The following ZMAT4 variants were observed in gnomAD, a reference collection of about 807,000 sequenced individuals.
ZMAT4 encodes the protein zinc finger matrin-type protein 4.
Under a neutral mutation model 28.7 loss-of-function variants are expected in ZMAT4, and 17 were observed. The observed-to-expected ratio is 0.59, with a 90% confidence interval of 0.41 to 0.89. The LOEUF is 0.89. Among genes scored for constraint, ZMAT4 ranks in the 40% least tolerant of loss-of-function variants. The probability of loss-of-function intolerance (pLI) is 0.00; values close to 1 mark genes in which losing one functional copy is unlikely to be tolerated. For synonymous variants in ZMAT4, 117 were observed against 109.2 expected (o/e 1.07, Z -0.44); for missense variants, 240 against 283.8 (o/e 0.85, Z 1.11).
At chr8:40,794,953 G>A (rs1814524671) in intron 2 of ZMAT4, among the ~76,000 whole-genome samples, 1 of 152,108 alleles carries the variant, frequency 6.6e-6, no homozygotes, top group South Asian at 2.1e-4. Flanking sequence ...AGGACTAGAT[G>A]GCCCTGGAAG....
chr8:40,622,125 G>T (rs143014113), intron 5 of ZMAT4, among the ~76,000 whole-genome samples: 1 of 152,082 alleles, frequency 6.6e-6, no homozygotes, highest in Non-Finnish European at 1.5e-5. Flanking sequence ...AAAGTACAAG[G>T]GTATTTTTAA....
At chr8:40,661,886 G>T (rs1808214589) in intron 5 of ZMAT4, among the ~76,000 whole-genome samples, 1 of 152,194 alleles carries the variant, frequency 6.6e-6, no homozygotes, top group Non-Finnish European at 1.5e-5. Context: ...GAGCACTGAG[G>T]AGAAAAATGA....
Position 40,763,197 on chromosome 8 carries a change from G to C in ZMAT4, c.192+4444C>G, listed in dbSNP as rs562034150. On this transcript the variant is annotated intron_variant, in intron 3 of 6. Coordinates refer to ENST00000297737, the MANE Select transcript of ZMAT4 (RefSeq NM_024645.3). ...ACATCTGACTTCCCCACTAGATCCTGATCTGTGTTGGGGAAGGTGTCCATG... is the reference window on the plus strand; with the variant it reads ...ACATCTGACTTCCCCACTAGATCCTCATCTGTGTTGGGGAAGGTGTCCATG... Among the ~76,000 whole-genome samples, 7 of 152,300 alleles carry C rather than the reference G, an allele frequency of 4.6e-5. No homozygotes were observed. The East Asian group carries it at 1.4e-3, about 29-fold the overall frequency.
intron 2 of ZMAT4, among the ~76,000 whole-genome samples, chr8:40,778,601 CCAAA>C (rs71834852): frequency 0.13 from 19,792 of 152,170 alleles, 1,626 homozygotes; most frequent in Non-Finnish European, 0.18. Flanking sequence ...TTCTGAGTCC[CCAAA>C]CAGAGTTAAG....
At chr8:40,697,727 C>A (rs1809961901) in intron 3 of ZMAT4, among the ~76,000 whole-genome samples, 1 of 132,424 alleles carries the variant, frequency 7.6e-6, no homozygotes, top group Non-Finnish European at 1.6e-5. Context: ...CACCCCCTGA[C>A]CGGCCCCGGT....
chr8:40,691,281 C>T (rs1008935540), intron 4 of ZMAT4, among the ~76,000 whole-genome samples: 7 of 152,054 alleles, frequency 4.6e-5, no homozygotes, highest in Admixed American at 1.3e-4. Flanking sequence ...AGGTTCATCA[C>T]AGCCTTATTG....
chr8:40,552,956 A>C (rs1462298501), intron 6 of ZMAT4, among the ~76,000 whole-genome samples: 2 of 152,214 alleles, frequency 1.3e-5, no homozygotes, highest in Non-Finnish European at 2.9e-5. Context: ...AAAGCTAAGC[A>C]CGTGGGAGTT....
intron 3 of ZMAT4, among the ~76,000 whole-genome samples, chr8:40,702,004 T>C (rs1440874863): frequency 1.3e-5 from 2 of 152,178 alleles, no homozygotes; most frequent in East Asian, 1.9e-4. Context: ...AATGCTGTTA[T>C]GGAGAGAGGG....
intron 6 of ZMAT4, among the ~76,000 whole-genome samples, chr8:40,536,786 G>T (rs1446792649): frequency 6.6e-6 from 1 of 152,048 alleles, no homozygotes; most frequent in Non-Finnish European, 1.5e-5. Context: ...TGGGAGTGGA[G>T]AACAAAACTT....
At chr8:40,759,024 C>T (rs1812812032) in intron 3 of ZMAT4, among the ~76,000 whole-genome samples, 1 of 152,110 alleles carries the variant, frequency 6.6e-6, no homozygotes, top group African/African-American at 2.4e-5. Flanking sequence ...GTGGATCACG[C>T]CTGTAATCCT....
At chr8:40,635,666 A>G (rs1806764176) in intron 5 of ZMAT4, among the ~76,000 whole-genome samples, 1 of 152,230 alleles carries the variant, frequency 6.6e-6, no homozygotes, top group Non-Finnish European at 1.5e-5. Context: ...TAAACATAGA[A>G]GTCCGAGGTT....
chr8:40,784,187 A>C (rs576800528), intron 2 of ZMAT4, among the ~76,000 whole-genome samples: 82 of 152,314 alleles, frequency 5.4e-4, no homozygotes, highest in Middle Eastern at 3.4e-3. Context: ...CCTTAAGTAA[A>C]ACTGAATACA....
intron 4 of ZMAT4, among the ~76,000 whole-genome samples, chr8:40,680,736 A>G (rs1200946794): frequency 1.3e-5 from 2 of 151,048 alleles, no homozygotes; most frequent in African/African-American, 4.9e-5. Flanking sequence ...ACACACATAT[A>G]CTTTCTCTCT....
intron 2 of ZMAT4, among the ~76,000 whole-genome samples, chr8:40,794,390 G>T (rs1814494471): frequency 6.6e-6 from 1 of 152,144 alleles, no homozygotes; most frequent in South Asian, 2.1e-4. Flanking sequence ...ACTACTCATT[G>T]AAACCTAGGG....
chr8:40,796,387 CA>C (rs1814601393), intron 2 of ZMAT4, among the ~76,000 whole-genome samples: 1 of 152,108 alleles, frequency 6.6e-6, no homozygotes, highest in African/African-American at 2.4e-5. Context: ...AACAAAAAAA[CA>C]TTGATATTTC....
At chr8:40,572,095 A>T (rs1244806118) in intron 6 of ZMAT4, among the ~76,000 whole-genome samples, 1 of 152,178 alleles carries the variant, frequency 6.6e-6, no homozygotes, top group African/African-American at 2.4e-5. Flanking sequence ...CTTTTATTAA[A>T]TATAGAAGGT....
At chr8:40,870,682 C>A (rs923029620) in intron 1 of ZMAT4, among the ~76,000 whole-genome samples, 2 of 152,148 alleles carry the variant, frequency 1.3e-5, no homozygotes, top group Admixed American at 6.5e-5. Flanking sequence ...ATTTCTGGCA[C>A]CAACATGTCC....
At chr8:40,819,565 T>C (rs145712849) in intron 2 of ZMAT4, among the ~76,000 whole-genome samples, 3 of 152,166 alleles carry the variant, frequency 2.0e-5, no homozygotes, top group East Asian at 3.9e-4. Flanking sequence ...ATGGCAAGAA[T>C]GCACAAAAAC....
chr8:40,619,693 T>C (rs1008190416), intron 5 of ZMAT4, among the ~76,000 whole-genome samples: 2 of 152,210 alleles, frequency 1.3e-5, no homozygotes, highest in African/African-American at 4.8e-5. Flanking sequence ...GAAGAGCTCA[T>C]GCCAGCCAGC....
Sources: allele counts gnomAD v4.1 joint callset (sites outside exome capture counted in the v4.1 genomes callset), GRCh38; gene constraint gnomAD v4.1.1; transcripts MANE v1.5; gene names NCBI Gene and HGNC (gene_info 2026-07-23, HGNC 2026-07-21).